Variants in IFNAR1 observed in about 807,000 individuals in gnomAD.
IFNAR1 encodes the protein interferon alpha/beta receptor 1.
IFNAR1 carries 47 observed loss-of-function variants against 62.1 expected under a neutral mutation model. That is an observed-to-expected ratio of 0.76 (90% CI 0.60 to 0.97). The LOEUF is 0.97. Ranked by LOEUF, IFNAR1 falls within the 50% of genes least tolerant of loss-of-function variation. The pLI is 0.00. For synonymous variants in IFNAR1, 219 were observed against 226.9 expected (o/e 0.97, Z 0.31); for missense variants, 638 against 654.5 (o/e 0.97, Z 0.27).
rs59240203 is a variant in IFNAR1 at position 33,333,614 on chromosome 21, A to ATTTTTTTTTTTTTTTTTTTTTT, written c.77-1899_77-1898insTTTTTTTTTTTTTTTTTTTTTT. Among the ~76,000 whole-genome samples, 165 of 106,964 alleles carry ATTTTTTTTTTTTTTTTTTTTTT rather than the reference A, an allele frequency of 1.5e-3. 24 individuals carry two copies. Among genetic ancestry groups the ATTTTTTTTTTTTTTTTTTTTTT allele is most frequent in the Middle Eastern group, 5.2e-3 (1 of 192 alleles). The allele number at this position is 106,964 out of a possible 152,430, so 70.2% of individuals were successfully genotyped here. Reference sequence around the variant, plus strand: ...CCATACTTAAAGAGACTGGCGGAATATTTTTTTTTTTCTTTTTTTTTTTTT... The same window carrying ATTTTTTTTTTTTTTTTTTTTTT: ...CCATACTTAAAGAGACTGGCGGAATATTTTTTTTTTTTTTTTTTTTTTTTTTTTTTTTTCTTTTTTTTTTTTT... On this transcript the variant is annotated intron_variant, in intron 1 of 10. Coordinates refer to ENST00000270139, the MANE Select transcript of IFNAR1 (RefSeq NM_000629.3).
chr21:33,339,812 C>T (rs766195334), intron 2 of IFNAR1, among the ~76,000 whole-genome samples: 6 of 150,634 alleles, frequency 4.0e-5, no homozygotes, highest in Non-Finnish European at 8.8e-5. Context: ...CCTGTAATCA[C>T]AGCTAGTTGA....
chr21:33,336,824 C>T (rs896029862), intron 2 of IFNAR1, among the ~76,000 whole-genome samples: 31 of 145,184 alleles, frequency 2.1e-4, no homozygotes, highest in Admixed American at 4.2e-4. Flanking sequence ...AATCTTGGCT[C>T]ACTGCAACCT....
rs562998490 is a variant in IFNAR1, at chr21:33,336,747, C to CTTT, written c.200+1119_200+1121dup. Among the ~76,000 whole-genome samples, 182 of 92,686 alleles carry CTTT rather than the reference C, an allele frequency of 2.0e-3. 2 individuals are homozygous for CTTT. Among genetic ancestry groups the CTTT allele is most frequent in the African/African-American group, 6.9e-3 (167 of 24,240 alleles). 60.8% of individuals were successfully genotyped at this position (92,686 alleles called of 152,430 possible). On this transcript the variant is annotated intron_variant, in intron 2 of 10. Transcript: ENST00000270139. ...ATACTATATTTTAATTTTAGGTACACTTTTTTTTTTTTTTTTTTTTTGAGG... is the reference window on the plus strand; with the variant it reads ...ATACTATATTTTAATTTTAGGTACACTTTTTTTTTTTTTTTTTTTTTTTTGAGG...
rs1378598090 is a variant in IFNAR1 at position 33,355,380 on chromosome 21, G to A, written c.1505G>A (p.Cys502Tyr). The change falls in exon 11 of 11, where the codon TGT becomes TAT. Residue 502 changes from cysteine to tyrosine, a missense_variant. Coordinates refer to ENST00000270139, the MANE Select transcript of IFNAR1 (RefSeq NM_000629.3). Reference protein sequence around the residue: ...LSTSEEQIEKCFIIENISTIA... With the variant: ...LSTSEEQIEKYFIIENISTIA... ...ACTTCTGAGGAACAAATCGAAAAAT[G>A]TTTCATAATTGAAAATATAAGCACA... 1.9e-6 allele frequency: 3 copies of A among 1,603,792 alleles called. No homozygotes were observed. The highest frequency in any genetic ancestry group is 3.4e-5 in the Admixed American group (2 of 58,170).
At chr21:33,327,220 A>C (rs2083134886) in intron 1 of IFNAR1, among the ~76,000 whole-genome samples, 1 of 152,122 alleles carries the variant, frequency 6.6e-6, no homozygotes, top group African/African-American at 2.4e-5. Flanking sequence ...GATGTGAAAA[A>C]AGCTTTCCCA....
intron 2 of IFNAR1, among the ~76,000 whole-genome samples, chr21:33,339,024 G>A (rs997604628): frequency 6.6e-5 from 10 of 152,154 alleles, no homozygotes; most frequent in African/African-American, 2.4e-4. Context: ...TTACAGGTGT[G>A]AGCCACCGAG....
chr21:33,344,090 G>A (rs1310477476), intron 5 of IFNAR1, among the ~76,000 whole-genome samples: 5 of 152,162 alleles, frequency 3.3e-5, no homozygotes, highest in Non-Finnish European at 7.3e-5. Context: ...GGTGGAAGTT[G>A]CAGTGAGCCA....
rs1199070834 is a variant in IFNAR1, at chr21:33,349,431, A to G, written c.1031A>G (p.Asp344Gly). Residue 344 changes from aspartate to glycine, a missense_variant, in exon 8 of 11, where the codon GAT becomes GGT. Transcript: ENST00000270139. ...GTCTTTAACATTAGATCCCTTAGTG[A>G]TTCATTCCATATCTATATCGGTGCT... ...PPVFNIRSLS[D>G]SFHIYIGAPK... is the part of the protein sequence containing the mutation. The G allele has an allele frequency of 1.2e-6, 2 of 1,610,984 alleles. No individual in the cohort carries two copies. Among genetic ancestry groups the G allele is most frequent in the African/African-American group, 2.7e-5 (2 of 74,756 alleles).
At chr21:33,341,202 ATTC>A in intron 3 of IFNAR1, 28 bp downstream of exon 3, 1 of 1,547,526 alleles carries the variant, frequency 6.5e-7, no homozygotes, top group Admixed American at 1.8e-5. Flanking sequence ...GCTGAATTAT[ATTC>A]TTTAGTAAAT....
chr21:33,343,426 A>C lies in IFNAR1; in HGVS notation c.531+4A>C. On this transcript the variant is annotated splice_donor_region_variant and intron_variant, in intron 4 of 10. Coordinates refer to ENST00000270139, the MANE Select transcript of IFNAR1 (RefSeq NM_000629.3). ...GAAAAACTCTTCAGGTGTAGAAGTA[A>C]GCATTATTTTTACCTCTGTTTAATC... is the stretch of plus-strand genomic sequence containing the variant. 6.2e-7 allele frequency: 1 copy of C among 1,609,204 alleles called. No individual in the cohort carries two copies. The highest frequency in any genetic ancestry group is 8.5e-7 in the Non-Finnish European group (1 of 1,176,770).
chr21:33,330,566 T>C (rs1250207617), intron 1 of IFNAR1, among the ~76,000 whole-genome samples: 1 of 152,184 alleles, frequency 6.6e-6, no homozygotes, highest in African/African-American at 2.4e-5. Context: ...CAATGTAGTC[T>C]GGGAGAGTGA....
At position 33,343,345 on chromosome 21, in the gene IFNAR1, G is replaced by A. The variant is rs1159590938; in HGVS notation, c.454G>A (p.Asp152Asn). The A allele has an allele frequency of 6.2e-7, 1 of 1,612,480 alleles. No individual in the cohort carries two copies. The change falls in exon 4 of 11, where the codon GAT becomes AAT. Residue 152 changes from aspartate (D) to asparagine (N), a missense_variant. Physicochemically the swap from Asp to Asn is conservative, Grantham distance 23. Coordinates refer to ENST00000270139, the MANE Select transcript of IFNAR1 (RefSeq NM_000629.3). ...IVIHISPGTKDSVMWALDGLS... is the reference protein window; with the variant it reads ...IVIHISPGTKNSVMWALDGLS... ...GATACACATCTCTCCTGGAACAAAAGATAGTGTTATGTGGGCTTTGGATGG... is the reference window on the plus strand; with the variant it reads ...GATACACATCTCTCCTGGAACAAAAAATAGTGTTATGTGGGCTTTGGATGG...
chr21:33,345,545 A>G (rs1012786718), intron 6 of IFNAR1, among the ~76,000 whole-genome samples, 185 bp downstream of exon 6: 2 of 152,188 alleles, frequency 1.3e-5, no homozygotes, highest in Admixed American at 1.3e-4. Flanking sequence ...GATGACATTG[A>G]GCTAATCGCT....
At chr21:33,351,982 C>T (rs1360686101) in intron 8 of IFNAR1, among the ~76,000 whole-genome samples, 1 of 151,980 alleles carries the variant, frequency 6.6e-6, no homozygotes, top group Non-Finnish European at 1.5e-5. Context: ...AGGTGTGACC[C>T]ACCGGCTTGT....
chr21:33,345,404 A>G (rs775898509), intron 6 of IFNAR1, 44 bp downstream of exon 6: 3 of 1,068,242 alleles, frequency 2.8e-6, no homozygotes, highest in East Asian at 4.7e-5. Context: ...GTTTGTTTTG[A>G]TTATGCTTCT....
chr21:33,333,535 C>T (rs895352187), intron 1 of IFNAR1, among the ~76,000 whole-genome samples: 3 of 148,612 alleles, frequency 2.0e-5, no homozygotes, highest in Non-Finnish European at 3.0e-5. Context: ...AACAAAATGA[C>T]AAATGTAAGG....
In IFNAR1 at chr21:33,335,602, G is replaced by A. The variant is rs1318994012; in HGVS notation, c.155G>A (p.Ser52Asn). The A allele has an allele frequency of 5.6e-6, 9 of 1,606,438 alleles. No individual in the cohort carries two copies. In the Admixed American group the frequency reaches 6.8e-5, roughly 12 times the overall value. ...DDNFILRWNR[S>N]DESVGNVTFS... is the part of the protein sequence containing the mutation. ...AACTTTATCCTGAGGTGGAACAGGAGCGATGAGTCTGTCGGGAATGTGACT... is the reference window on the plus strand; with the variant it reads ...AACTTTATCCTGAGGTGGAACAGGAACGATGAGTCTGTCGGGAATGTGACT... The change falls in exon 2 of 11, where the codon AGC (serine) becomes AAC (asparagine). Residue 52 changes from serine (S) to asparagine (N), a missense_variant. Transcript: ENST00000270139.
chr21:33,332,708 G>A (rs1011225514), intron 1 of IFNAR1, among the ~76,000 whole-genome samples: 1 of 152,096 alleles, frequency 6.6e-6, no homozygotes, highest in African/African-American at 2.4e-5. Context: ...TACAGTTGAA[G>A]AATTCAATGA....
At chr21:33,344,777 T>TTTATTTATTTATTTAG (rs1568930710) in intron 5 of IFNAR1, among the ~76,000 whole-genome samples, 1 of 149,298 alleles carries the variant, frequency 6.7e-6, no homozygotes, top group Non-Finnish European at 1.5e-5. Flanking sequence ...TATTTATTTA[T>TTTATTTATTTATTTAG]TTATTTATTT....
Sources: gnomAD v4.1 joint callset for allele counts (sites outside exome capture counted in the v4.1 genomes callset) on GRCh38, gnomAD v4.1.1 for gene constraint, MANE v1.5 for transcripts, NCBI Gene and HGNC (gene_info 2026-07-23, HGNC 2026-07-21) for gene names.